The following ILDR2 variants were observed in gnomAD, a reference collection of about 807,000 sequenced individuals.
ILDR2 encodes immunoglobulin-like domain-containing receptor 2.
Under a neutral mutation model 66.8 loss-of-function variants are expected in ILDR2, and 25 were observed. The ratio of observed to expected loss-of-function variants is 0.37; its 90% confidence interval spans 0.27 to 0.52. ILDR2 has a LOEUF of 0.52. Among genes scored for constraint, ILDR2 ranks in the 20% least tolerant of loss-of-function variants. ILDR2 has a pLI of 0.88. For synonymous variants in ILDR2, 367 were observed against 357.2 expected (o/e 1.03, Z -0.31); for missense variants, 827 against 876.8 (o/e 0.94, Z 0.72).
At chr1:166,932,032 G>C (rs1660669134) in intron 6 of ILDR2, among the ~76,000 whole-genome samples, 1 of 152,230 alleles carries the variant, frequency 6.6e-6, no homozygotes, top group Non-Finnish European at 1.5e-5. Context: ...GAAGCCACAG[G>C]AGTGAATAAG....
At chr1:166,930,118 T>C (rs1443278576) in intron 6 of ILDR2, among the ~76,000 whole-genome samples, 1 of 152,206 alleles carries the variant, frequency 6.6e-6, no homozygotes, top group Non-Finnish European at 1.5e-5. Flanking sequence ...CGGTGAGAGA[T>C]GGCTGCCACC....
chr1:166,954,476 T>C (rs962728406), intron 3 of ILDR2, among the ~76,000 whole-genome samples: 2 of 152,208 alleles, frequency 1.3e-5, no homozygotes, highest in African/African-American at 4.8e-5. Flanking sequence ...ACACAGCTAG[T>C]GTTGCCCTAA....
rs528206441 is a variant in ILDR2 at position 166,910,019 on chromosome 1, C to A, written c.*9336G>T. The A allele has an allele frequency of 6.6e-6, 1 of 151,624 alleles. No individual in the cohort carries two copies. Among genetic ancestry groups the A allele is most frequent in the African/African-American group, 2.4e-5 (1 of 41,300 alleles). The allele number at this position is 151,624 out of a possible 1,614,324, so 9.4% of individuals were successfully genotyped here. A position where few individuals can be genotyped will look rare whatever the true frequency, so the allele number is the denominator to read the frequency against. On this transcript the variant is annotated 3_prime_UTR_variant, in exon 10 of 10. Transcript: ENST00000271417. ...TTTTTAGAGACAGTGAGAGAGAGAA[C>A]AAGAGACAGAGAGATTGATTCATCT...
chr1:166,914,294 T>C lies in ILDR2; in HGVS notation c.*5061A>G, dbSNP rs1181068042. 1 of 152,182 alleles carries C rather than the reference T, an allele frequency of 6.6e-6. No homozygotes were observed. 9.4% of individuals were successfully genotyped at this position (152,182 alleles called of 1,614,324 possible). On this transcript the variant is annotated 3_prime_UTR_variant, in exon 10 of 10. Transcript: ENST00000271417. ...TGAACAAGCATCAAGTCTACGGCTC[T>C]TCTCACCAGATGTCTGGCTGTGAAG...
At chr1:166,924,738 G>T (rs1404933967) in intron 7 of ILDR2, among the ~76,000 whole-genome samples, 1 of 152,150 alleles carries the variant, frequency 6.6e-6, no homozygotes, top group East Asian at 1.9e-4. Flanking sequence ...AGTGGGGCTG[G>T]GCACGGTAGC....
intron 1 of ILDR2, among the ~76,000 whole-genome samples, chr1:166,972,494 A>T (rs1205915855): frequency 6.6e-6 from 1 of 152,254 alleles, no homozygotes; most frequent in Non-Finnish European, 1.5e-5. Flanking sequence ...TTTGTTCAAA[A>T]TAACAACAAC....
At chr1:166,946,040 T>G (rs560670273) in intron 3 of ILDR2, among the ~76,000 whole-genome samples, 13 of 152,320 alleles carry the variant, frequency 8.5e-5, no homozygotes, top group African/African-American at 3.1e-4. Flanking sequence ...CTCCTAACCC[T>G]CCAAAATGTT....
Position 166,909,788 on chromosome 1 carries a change from T to TATATATAA in ILDR2, c.*9566_*9567insTTATATAT, listed in dbSNP as rs1659435014. ...ATATATAAATATATATATTTATATA[T>TATATATAA]ATATATATATATATATATCCTTCTA... On this transcript the variant is annotated 3_prime_UTR_variant, in exon 10 of 10. Transcript: ENST00000271417. The TATATATAA allele has an allele frequency of 7.6e-6, 1 of 131,742 alleles. No individual in the cohort carries two copies. The highest frequency in any genetic ancestry group is 1.6e-5 in the Non-Finnish European group (1 of 63,392). The allele number at this position is 131,742 out of a possible 1,614,324, so 8.2% of individuals were successfully genotyped here.
At chr1:166,951,994 T>C (rs1226103660) in intron 3 of ILDR2, among the ~76,000 whole-genome samples, 1 of 152,154 alleles carries the variant, frequency 6.6e-6, no homozygotes, top group East Asian at 1.9e-4. Context: ...TTTTTCCCCT[T>C]TTTCTAATTA....
intron 1 of ILDR2, 63 bp from the exon 2 acceptor site, chr1:166,958,164 T>C: frequency 1.5e-6 from 2 of 1,341,272 alleles, no homozygotes; most frequent in Non-Finnish European, 2.1e-6. Flanking sequence ...TTCCATCACA[T>C]GATCACACCT....
chr1:166,945,296 C>T (rs1393073704), intron 3 of ILDR2, among the ~76,000 whole-genome samples: 1 of 152,102 alleles, frequency 6.6e-6, no homozygotes, highest in Admixed American at 6.5e-5. Context: ...ATAGACCAAA[C>T]GAATCAGGCA....
In ILDR2 at chr1:166,921,856, C is replaced by A. The variant is rs1211883228; in HGVS notation, c.1212-477G>T. Reference sequence around the variant, plus strand: ...GGGCAGGAGGGGAGAAGGACACTTGCAATTTGTAAGGGAAAGGCAATGTTC... The same window carrying A: ...GGGCAGGAGGGGAGAAGGACACTTGAAATTTGTAAGGGAAAGGCAATGTTC... On this transcript the variant is annotated intron_variant, in intron 8 of 9. Coordinates refer to ENST00000271417, the MANE Select transcript of ILDR2 (RefSeq NM_199351.3). This position sits in a 1 kb window ranked among gnomAD's most constrained non-coding sequence, Gnocchi z 5.3. 6.6e-6 allele frequency among the ~76,000 whole-genome samples: 1 copy of A among 152,046 alleles called. No individual in the cohort carries two copies. The highest frequency in any genetic ancestry group is 2.4e-5 in the African/African-American group (1 of 41,414).
At chr1:166,959,026 A>C (rs1490212678) in intron 1 of ILDR2, among the ~76,000 whole-genome samples, 2 of 152,166 alleles carry the variant, frequency 1.3e-5, no homozygotes, top group African/African-American at 2.4e-5. Flanking sequence ...TTTGAGCACC[A>C]AGCTCCAAGA....
At chr1:166,942,512 T>G (rs932157764) in intron 3 of ILDR2, among the ~76,000 whole-genome samples, 3 of 152,242 alleles carry the variant, frequency 2.0e-5, no homozygotes, top group Non-Finnish European at 4.4e-5. Flanking sequence ...TTTTCAAATG[T>G]TGGCAACCAG....
chr1:166,944,622 A>C (rs1033376844), intron 3 of ILDR2, among the ~76,000 whole-genome samples: 4 of 152,070 alleles, frequency 2.6e-5, no homozygotes, highest in Admixed American at 6.6e-5. Context: ...CATTTCCCCA[A>C]GTTTTTTTAC....
rs142590562 is a variant in ILDR2 at position 166,929,105 on chromosome 1, C to T, written c.881-1925G>A. Among the ~76,000 whole-genome samples the T allele has an allele frequency of 8.5e-5, 13 of 152,240 alleles. No individual in the cohort carries two copies. The East Asian group carries it at 2.5e-3, about 29-fold the overall frequency. On this transcript the variant is annotated intron_variant, in intron 6 of 9. Coordinates refer to ENST00000271417, the MANE Select transcript of ILDR2 (RefSeq NM_199351.3). The stretch of plus-strand genomic sequence containing the variant: ...AGTGGGGAACTGGGCATTGTGTAGG[C>T]ATGCAGTGCTATTTATTGAGGGACC...
chr1:166,922,263 CA>C (rs1413318966), intron 8 of ILDR2, among the ~76,000 whole-genome samples: 1 of 150,512 alleles, frequency 6.6e-6, no homozygotes, highest in South Asian at 2.1e-4. Flanking sequence ...CCGAAAAAAA[CA>C]AAAAAAAGAT....
chr1:166,941,120 C>T (rs766750887), intron 3 of ILDR2, among the ~76,000 whole-genome samples: 2 of 152,174 alleles, frequency 1.3e-5, no homozygotes, highest in Non-Finnish European at 2.9e-5. Context: ...GTGATGGTCC[C>T]ATATTTAAAA....
downstream of ILDR2, among the ~76,000 whole-genome samples, chr1:166,905,677 T>C (rs1659334166): frequency 6.6e-6 from 1 of 152,224 alleles, no homozygotes; most frequent in East Asian, 1.9e-4. Context: ...AGTAATTGTA[T>C]GTGCTGATAA....
Sources: gnomAD v4.1 joint callset for allele counts (sites outside exome capture counted in the v4.1 genomes callset) on GRCh38, gnomAD v4.1.1 for gene constraint, Gnocchi (gnomAD v3.1) non-coding constraint, MANE v1.5 for transcripts, NCBI Gene and HGNC (gene_info 2026-07-23, HGNC 2026-07-21) for gene names.